RB1: variants seen among roughly 807,000 people sequenced by gnomAD.
RB1 encodes retinoblastoma-associated protein.
RB1 carries 18 observed loss-of-function variants against 135.4 expected under a neutral mutation model. The ratio of observed to expected loss-of-function variants is 0.13; its 90% CI spans 0.09 to 0.20. The LOEUF is 0.20. Among genes scored for constraint, RB1 ranks in the 10% least tolerant of loss-of-function variants. RB1 has a pLI of 1.00. For synonymous variants in RB1, 365 were observed against 373.2 expected, an observed-to-expected ratio of 0.98 and a Z score of 0.25; for missense variants, 868 against 1,110.0, an observed-to-expected ratio of 0.78 and a Z score of 3.10.
At chr13:48,353,045 T>A (rs1203863875) in intron 6 of RB1, among the ~76,000 whole-genome samples, 1 of 152,034 alleles carries the variant, frequency 6.6e-6, no homozygotes, top group African/African-American at 2.4e-5. Context: ...ACATTGTATC[T>A]TAAAGAAGTA....
In RB1 at chr13:48,343,272, T is replaced by C. The variant is rs74508026; in HGVS notation, c.380+558T>C. Among the ~76,000 whole-genome samples the C allele has an allele frequency of 6.5e-3, 987 of 152,256 alleles. 13 individuals are homozygous for C. Among genetic ancestry groups the C allele is most frequent in the African/African-American group, 0.023 (940 of 41,554 alleles). On this transcript the variant is annotated intron_variant, in intron 3 of 26. Transcript: ENST00000267163. ...ATGTGTTTTCAATAATGTATGAACT[T>C]TATCTTCAGAAAGTATCCAGGACTT...
Position 48,480,183 on chromosome 13 carries a change from G to C in RB1, c.*112G>C. On this transcript the variant is annotated 3_prime_UTR_variant, in exon 27 of 27. Coordinates refer to ENST00000267163, the MANE Select transcript of RB1 (RefSeq NM_000321.3). ...TTTATGGCCACATTTAATATCTTCA[G>C]CTCTTTTTGTGGATATAAAATGTGC... 2.3e-6 allele frequency: 2 copies of C among 886,340 alleles called. No individual in the cohort carries two copies. Among genetic ancestry groups the C allele is most frequent in the Non-Finnish European group, 3.7e-6 (2 of 540,090 alleles). The allele number at this position is 886,340 out of a possible 1,614,324, so 54.9% of individuals were successfully genotyped here. A position where few individuals can be genotyped will look rare whatever the true frequency, so the allele number is the denominator to read the frequency against.
At chr13:48,427,181 C>T (rs1451104578) in intron 17 of RB1, among the ~76,000 whole-genome samples, 2 of 133,544 alleles carry the variant, frequency 1.5e-5, no homozygotes, top group Non-Finnish European at 3.2e-5. Flanking sequence ...ATCTACCAAA[C>T]CTCACCTCCA....
chr13:48,317,219 C>A (rs1447458047), intron 2 of RB1: 3 of 429,156 alleles, frequency 7.0e-6, no homozygotes, highest in Non-Finnish European at 8.0e-6. Context: ...CTGCCTGCCC[C>A]CCTGGGAGAC....
intron 17 of RB1, chr13:48,411,489 C>G (rs374589872): frequency 2.5e-6 from 4 of 1,612,234 alleles, no homozygotes; most frequent in Non-Finnish European, 3.4e-6. Flanking sequence ...TCTGAAGTCA[C>G]TTCTCCTGAC....
intron 2 of RB1, among the ~76,000 whole-genome samples, chr13:48,341,608 G>A (rs1445590236): frequency 6.6e-6 from 1 of 151,996 alleles, no homozygotes; most frequent in Non-Finnish European, 1.5e-5. Context: ...AGCTATTCTA[G>A]TGGGTGTATA....
At chr13:48,329,976 G>A (rs1248600651) in intron 2 of RB1, among the ~76,000 whole-genome samples, 1 of 151,978 alleles carries the variant, frequency 6.6e-6, no homozygotes, top group Non-Finnish European at 1.5e-5. Context: ...ATAATATCAA[G>A]CATCTTTTCT....
At chr13:48,401,471 G>A (rs1368448570) in intron 17 of RB1, 1 of 152,062 alleles carries the variant, frequency 6.6e-6, no homozygotes. Flanking sequence ...ACTACTCTAA[G>A]GCAATTATGC....
At chr13:48,476,111 C>T (rs912695381) in intron 24 of RB1, among the ~76,000 whole-genome samples, 16 of 152,050 alleles carry the variant, frequency 1.1e-4, no homozygotes, top group Admixed American at 2.6e-4. Context: ...TGGGAGAATT[C>T]GCTAGTTTAA....
At chr13:48,449,052 A>G (rs1426706521) in intron 17 of RB1, among the ~76,000 whole-genome samples, 4 of 152,204 alleles carry the variant, frequency 2.6e-5, no homozygotes, top group Non-Finnish European at 4.4e-5. Flanking sequence ...AGTATTTAGT[A>G]ATGTATTGCT....
chr13:48,442,050 T>A (rs1949242130), intron 17 of RB1, among the ~76,000 whole-genome samples: 1 of 152,196 alleles, frequency 6.6e-6, no homozygotes, highest in Non-Finnish European at 1.5e-5. Context: ...CGTAACCCAC[T>A]CCTTCTACAT....
chr13:48,355,504 G>C (rs933264774), intron 6 of RB1, among the ~76,000 whole-genome samples: 1 of 152,068 alleles, frequency 6.6e-6, no homozygotes, highest in Non-Finnish European at 1.5e-5. Flanking sequence ...ATGGAGAACA[G>C]TTTGGAGGTT....
intron 2 of RB1, among the ~76,000 whole-genome samples, chr13:48,329,442 T>C (rs1347893302): frequency 6.6e-6 from 1 of 152,242 alleles, no homozygotes; most frequent in Non-Finnish European, 1.5e-5. Context: ...ATCAGGTAAA[T>C]TGTGTTACTA....
chr13:48,411,921 C>T, intron 17 of RB1: 1 of 1,612,724 alleles, frequency 6.2e-7, no homozygotes, highest in Non-Finnish European at 8.5e-7. Flanking sequence ...ATTTTCAAAG[C>T]AGGCTTCTGA....
At position 48,319,154 on chromosome 13, in the gene RB1, A is replaced by G. The variant is rs1247170987; in HGVS notation, c.264+11748A>G. The G allele has an allele frequency of 1.0e-5, 6 of 596,708 alleles. No individual in the cohort carries two copies. In the African/African-American group the frequency reaches 1.1e-4, roughly 11 times the overall value. The allele number at this position is 596,708 out of a possible 1,614,324, so 37.0% of individuals were successfully genotyped here. A position where few individuals can be genotyped will look rare whatever the true frequency, so the allele number is the denominator to read the frequency against. On this transcript the variant is annotated intron_variant, in intron 2 of 26. Transcript: ENST00000267163. The surrounding 1 kb of genome is among the most constrained non-coding windows in gnomAD (Gnocchi z 5.0). The stretch of plus-strand genomic sequence containing the variant: ...GGTTTCCTTCGGGAGCTTGTGGGGA[A>G]TGGTCAGCGTCTAGGCACCCCGGGC...
At chr13:48,402,669 T>G (rs1316189746) in intron 17 of RB1, among the ~76,000 whole-genome samples, 1 of 152,130 alleles carries the variant, frequency 6.6e-6, no homozygotes, top group Non-Finnish European at 1.5e-5. Context: ...GCTGCCACTC[T>G]TGGCCTACAG....
intron 17 of RB1, among the ~76,000 whole-genome samples, chr13:48,409,714 G>T (rs1269952136): frequency 1.3e-5 from 2 of 151,166 alleles, no homozygotes; most frequent in Non-Finnish European, 2.9e-5. Flanking sequence ...CCGAGTAGCT[G>T]GGACTACAGG....
At chr13:48,377,157 A>C in intron 13 of RB1, 123 bp downstream of exon 13, 1 of 1,024,176 alleles carries the variant, frequency 9.8e-7, no homozygotes, top group South Asian at 1.4e-5. Flanking sequence ...GTCAGATACT[A>C]TATCCCTGCT....
At chr13:48,479,679 T>C (rs775025588) in intron 26 of RB1, among the ~76,000 whole-genome samples, 5 of 152,116 alleles carry the variant, frequency 3.3e-5, no homozygotes, top group Non-Finnish European at 7.4e-5. Context: ...TGATATATCA[T>C]AGTTATACAT....
Sources: allele counts gnomAD v4.1 joint callset (sites outside exome capture counted in the v4.1 genomes callset), GRCh38; gene constraint gnomAD v4.1.1; non-coding constraint Gnocchi (gnomAD v3.1); transcripts MANE v1.5; gene names NCBI Gene and HGNC (gene_info 2026-07-23, HGNC 2026-07-21).